Variants in NRF1 observed in about 807,000 individuals in gnomAD.
NRF1 encodes alpha palindromic-binding protein.
Under a neutral mutation model 58.5 loss-of-function variants are expected in NRF1, and 5 were observed. That is an observed-to-expected ratio of 0.09 (90% CI 0.04 to 0.18). NRF1 has a LOEUF of 0.18. NRF1 is among the 10% of genes least tolerant of loss of function. The pLI, the probability that NRF1 is intolerant of heterozygous loss-of-function variation, is 1.00. For synonymous variants in NRF1, 224 were observed against 246.7 expected, an observed-to-expected ratio of 0.91 and a Z score of 0.86; for missense variants, 288 against 657.7, an observed-to-expected ratio of 0.44 and a Z score of 6.15.
intron 1 of NRF1, among the ~76,000 whole-genome samples, chr7:129,649,734 T>G (rs544794982): frequency 5.9e-5 from 9 of 152,270 alleles, no homozygotes; most frequent in East Asian, 5.8e-4. Context: ...GTAGTTTATA[T>G]TATAAAGAAG....
chr7:129,727,372 G>C lies in NRF1; in HGVS notation c.1348+7G>C, dbSNP rs776770168. 3 of 1,578,284 alleles carry C rather than the reference G, an allele frequency of 1.9e-6. No individual in the cohort carries two copies. The highest frequency in any genetic ancestry group is 1.2e-5 in the South Asian group (1 of 83,058). ...GGAGTCCAAGATGCTAATGGTAAGA[G>C]AGCATAAATATTTTATTAAATTTCT... On this transcript the variant is annotated splice_region_variant and intron_variant, in intron 10 of 10. Transcript: ENST00000393232.
intron 10 of NRF1, among the ~76,000 whole-genome samples, chr7:129,745,506 A>ACC (rs35406699): frequency 0.024 from 2,749 of 112,234 alleles, 48 homozygotes; most frequent in Middle Eastern, 0.037. Context: ...ATCCCCCTCA[A>ACC]CCCCCCCCCC....
intron 5 of NRF1, among the ~76,000 whole-genome samples, chr7:129,707,056 C>A (rs1279022085): frequency 6.6e-6 from 1 of 152,100 alleles, no homozygotes; most frequent in Non-Finnish European, 1.5e-5. Context: ...TGAAGTGGCA[C>A]CATCATGGCT....
chr7:129,712,731 C>A (rs750394580), intron 8 of NRF1, among the ~76,000 whole-genome samples: 1 of 152,118 alleles, frequency 6.6e-6, no homozygotes, highest in Non-Finnish European at 1.5e-5. Context: ...ACCTAAGGAG[C>A]CTGGGAAAGT....
At chr7:129,623,277 T>C (rs934114393) in intron 1 of NRF1, among the ~76,000 whole-genome samples, 5 of 152,216 alleles carry the variant, frequency 3.3e-5, no homozygotes, top group African/African-American at 4.8e-5. Flanking sequence ...CAAGATAGCA[T>C]TGGTCTTTTA....
chr7:129,741,291 G>A lies in NRF1; in HGVS notation c.1349-13727G>A, dbSNP rs1803839836. ...TGGCAGATGGACACCACTGACTGTG[G>A]TCTCCTCTCCATCCACGGTGTCCTC... On this transcript the variant is annotated intron_variant, in intron 10 of 10. Transcript: ENST00000393232. This position sits in a 1 kb window ranked among gnomAD's most constrained non-coding sequence, Gnocchi z 4.0. 6.6e-6 allele frequency among the ~76,000 whole-genome samples: 1 copy of A among 152,162 alleles called. No individual in the cohort carries two copies. The highest frequency in any genetic ancestry group is 2.1e-4 in the South Asian group (1 of 4,822).
chr7:129,651,011 C>T (rs1409447588), intron 1 of NRF1, among the ~76,000 whole-genome samples: 1 of 152,150 alleles, frequency 6.6e-6, no homozygotes, highest in African/African-American at 2.4e-5. Context: ...ATTAACCAAC[C>T]TGCTTCTTTT....
At chr7:129,672,600 C>T (rs906640843) in intron 3 of NRF1, among the ~76,000 whole-genome samples, 1 of 152,072 alleles carries the variant, frequency 6.6e-6, no homozygotes, top group Non-Finnish European at 1.5e-5. Context: ...AAGAAGTGAT[C>T]AGGTTCTAGA....
chr7:129,627,501 C>G (rs553873103), intron 1 of NRF1, among the ~76,000 whole-genome samples: 2 of 152,262 alleles, frequency 1.3e-5, no homozygotes, highest in East Asian at 3.9e-4. Flanking sequence ...ACCACCTTGC[C>G]CAGCAAAAGT....
intron 2 of NRF1, among the ~76,000 whole-genome samples, chr7:129,663,102 CAGA>C (rs957489520): frequency 7.9e-5 from 12 of 152,262 alleles, no homozygotes; most frequent in Non-Finnish European, 1.6e-4. Context: ...CATCCCAAGG[CAGA>C]AGAATTTTTC....
At chr7:129,742,291 AAC>A (rs1252488727) in intron 10 of NRF1, among the ~76,000 whole-genome samples, 85 of 150,052 alleles carry the variant, frequency 5.7e-4, no homozygotes, top group African/African-American at 1.4e-3. Flanking sequence ...AAAAAAAAAA[AAC>A]AAAAAACTTT....
At chr7:129,718,131 C>A (rs1024192285) in intron 9 of NRF1, among the ~76,000 whole-genome samples, 8 of 152,178 alleles carry the variant, frequency 5.3e-5, no homozygotes, top group African/African-American at 1.9e-4. Context: ...CTGCCTGGTT[C>A]TTTCTACTGG....
chr7:129,621,406 T>A (rs997558037), intron 1 of NRF1, among the ~76,000 whole-genome samples: 1 of 152,214 alleles, frequency 6.6e-6, no homozygotes, highest in Non-Finnish European at 1.5e-5. Flanking sequence ...TAGCTTGTGT[T>A]TGTGGATGAT....
At chr7:129,672,200 CTTT>C (rs58022845) in intron 3 of NRF1, among the ~76,000 whole-genome samples, 11 of 116,866 alleles carry the variant, frequency 9.4e-5, no homozygotes, top group South Asian at 3.0e-4. Flanking sequence ...GCCAGGAGAT[CTTT>C]TTTTTTTTTT....
chr7:129,627,130 G>A (rs1330224313), intron 1 of NRF1, among the ~76,000 whole-genome samples: 1 of 152,228 alleles, frequency 6.6e-6, no homozygotes, highest in Non-Finnish European at 1.5e-5. Context: ...AGGCTAAGCA[G>A]AAATTGTGTG....
Position 129,677,007 on chromosome 7 carries a change from ATTTTTTTTT to A in NRF1, c.339-612_339-604del, listed in dbSNP as rs56059756. The stretch of plus-strand genomic sequence containing the variant: ...TTCTGTAAGAGCACATCTTGGTTGC[ATTTTTTTTT>A]TTTTTTTTTTTTGAGAAAAAGTCTT... On this transcript the variant is annotated intron_variant, in intron 3 of 10. Coordinates refer to ENST00000393232, the MANE Select transcript of NRF1 (RefSeq NM_005011.5). Among the ~76,000 whole-genome samples the A allele has an allele frequency of 1.8e-5, 2 of 113,546 alleles. 1 individual carries two copies. The highest frequency in any genetic ancestry group is 5.8e-4 in the South Asian group (2 of 3,430). 74.5% of individuals were successfully genotyped at this position (113,546 alleles called of 152,430 possible). A position where few individuals can be genotyped will look rare whatever the true frequency, so the allele number is the denominator to read the frequency against.
intron 6 of NRF1, 146 bp downstream of exon 6, chr7:129,709,379 T>C: frequency 3.6e-6 from 2 of 562,024 alleles, no homozygotes; most frequent in Non-Finnish European, 5.6e-6. Context: ...CTTTGATTTA[T>C]AGCCTTTTCC....
At chr7:129,637,196 GT>G (rs1462431350) in intron 1 of NRF1, among the ~76,000 whole-genome samples, 1 of 150,700 alleles carries the variant, frequency 6.6e-6, no homozygotes, top group Non-Finnish European at 1.5e-5. Context: ...AAATTCCACT[GT>G]TACCTTACAT....
intron 10 of NRF1, chr7:129,735,192 CCCT>C: frequency 3.0e-6 from 3 of 985,392 alleles, no homozygotes; most frequent in Non-Finnish European, 3.6e-6. Flanking sequence ...TCTCAACCCT[CCCT>C]CCTCATGTTC....
Sources: allele counts gnomAD v4.1 joint callset (sites outside exome capture counted in the v4.1 genomes callset), GRCh38; gene constraint gnomAD v4.1.1; non-coding constraint Gnocchi (gnomAD v3.1); transcripts MANE v1.5; gene names NCBI Gene and HGNC (gene_info 2026-07-23, HGNC 2026-07-21).